Variants in LRRC8E observed in about 807,000 individuals in gnomAD.
LRRC8E encodes the protein volume-regulated anion channel subunit LRRC8E.
A neutral mutation model predicts 6.1 loss-of-function variants in LRRC8E; 6 were observed. That is an observed-to-expected ratio of 0.98 (90% CI 0.54 to 1.93). The LOEUF (loss-of-function observed/expected upper bound fraction) is 1.93, where lower values mean the gene tolerates loss of function less well. LRRC8E is among the 30% of genes most tolerant of loss of function. The probability of loss-of-function intolerance (pLI) is 0.01; values close to 1 mark genes in which losing one functional copy is unlikely to be tolerated. For missense variants in LRRC8E, 1,028 were observed against 1,031.4 expected, an observed-to-expected ratio of 1.00 and a Z score of 0.04; for synonymous variants, 485 against 472.8, an observed-to-expected ratio of 1.03 and a Z score of -0.33.
In LRRC8E at chr19:7,895,941, C is replaced by CT. The variant is rs796566513; in HGVS notation, c.138+207dup. On this transcript the variant is annotated intron_variant, in intron 2 of 2. Transcript: ENST00000306708. The surrounding 1 kb of genome is among the most constrained non-coding windows in gnomAD (Gnocchi z 4.7). ...CCCACATTGCTATGCCATTCCATAT[C>CT]TTTTTTTCTTTTTTGAGACGGAGTC... 6.6e-6 allele frequency among the ~76,000 whole-genome samples: 1 copy of CT among 152,214 alleles called. No individual in the cohort carries two copies. The highest frequency in any genetic ancestry group is 1.9e-4 in the East Asian group (1 of 5,152).
In LRRC8E at chr19:7,901,019, T is replaced by TTTG; in HGVS notation, c.*106_*107insTTG. 2.8e-6 allele frequency: 1 copy of TTTG among 352,140 alleles called. No homozygotes were observed. The highest frequency in any genetic ancestry group is 5.3e-6 in the Non-Finnish European group (1 of 187,520). The allele number at this position is 352,140 out of a possible 1,614,324, so 21.8% of individuals were successfully genotyped here. On this transcript the variant is annotated 3_prime_UTR_variant, in exon 3 of 3. Coordinates refer to ENST00000306708, the MANE Select transcript of LRRC8E (RefSeq NM_025061.6). ...AGCCAAGTGGGTCCAGGCCAGGAGA[T>TTTG]GGGGGGGGCGGGGGCAGCTGTGTCA... is the stretch of plus-strand genomic sequence containing the variant.
chr19:7,899,274 T>G lies in LRRC8E; in HGVS notation c.752T>G (p.Leu251Arg). The G allele has an allele frequency of 2.5e-6, 4 of 1,614,236 alleles. No homozygotes were observed. Among genetic ancestry groups the G allele is most frequent in the Non-Finnish European group, 3.4e-6 (4 of 1,180,040 alleles). The change falls in exon 3 of 3, where the codon CTG (leucine) becomes CGG (arginine). Residue 251 changes from leucine to arginine, a missense_variant. Physicochemically the swap from Leu to Arg is moderately radical, Grantham distance 102. Transcript: ENST00000306708. ...FRMHVEEGDI[L>R]YTMYIRQTVL... ...ATGCACGTGGAAGAGGGCGACATCCTGTACACCATGTACATCCGACAGACG... is the reference window on the plus strand; with the variant it reads ...ATGCACGTGGAAGAGGGCGACATCCGGTACACCATGTACATCCGACAGACG...
At chr19:7,890,590 C>T (rs1599601477) in intron 1 of LRRC8E, among the ~76,000 whole-genome samples, 1 of 151,982 alleles carries the variant, frequency 6.6e-6, no homozygotes, top group African/African-American at 2.4e-5. Context: ...GAGATTGAGA[C>T]CATCCTGGCT....
In LRRC8E at chr19:7,900,166, G is replaced by GTT; in HGVS notation, c.1644_1645insTT (p.Val549LeufsTer6). 7.4e-6 allele frequency: 12 copies of GTT among 1,613,020 alleles called. No individual in the cohort carries two copies. The highest frequency in any genetic ancestry group is 1.0e-5 in the Non-Finnish European group (12 of 1,179,950). On this transcript the variant is annotated frameshift_variant, in exon 3 of 3. Coordinates refer to ENST00000306708, the MANE Select transcript of LRRC8E (RefSeq NM_025061.6). LOFTEE classifies it low-confidence loss of function (END_TRUNC). The surrounding 1 kb of genome is among the most constrained non-coding windows in gnomAD (Gnocchi z 5.0). ...TGTCCCTCCGGAGCAACGCCGGGAA[G>GTT]GTGCCAGCCAGTGTGACCGACGTTG...
intron 2 of LRRC8E, among the ~76,000 whole-genome samples, chr19:7,898,029 G>A (rs918443944): frequency 6.6e-6 from 1 of 151,942 alleles, no homozygotes; most frequent in South Asian, 2.1e-4. Flanking sequence ...GGCCAACATG[G>A]TGAAACCCCA....
At position 7,898,857 on chromosome 19, in the gene LRRC8E, A is replaced by G; in HGVS notation, c.335A>G (p.His112Arg). Residue 112 changes from histidine (H) to arginine (R), a missense_variant, in exon 3 of 3, where the codon CAC (histidine) becomes CGC (arginine). Coordinates refer to ENST00000306708, the MANE Select transcript of LRRC8E (RefSeq NM_025061.6). ...CAGCTGTGTTATGAGACGGCCCTGC[A>G]CTGGTATGCCAAGTACTTCCCTTAC... ...INQLCYETAL[H>R]WYAKYFPYLV... 6.2e-7 allele frequency: 1 copy of G among 1,614,240 alleles called. No individual in the cohort carries two copies. Among genetic ancestry groups the G allele is most frequent in the East Asian group, 2.2e-5 (1 of 44,894 alleles).
chr19:7,900,579 A>G lies in LRRC8E; in HGVS notation c.2057A>G (p.Asn686Ser). Residue 686 changes from asparagine (N) to serine (S), a missense_variant, in exon 3 of 3, where the codon AAT becomes AGT. Physicochemically the swap from Asn to Ser is conservative, Grantham distance 46 (BLOSUM62 1). Coordinates refer to ENST00000306708, the MANE Select transcript of LRRC8E (RefSeq NM_025061.6). This position sits in a 1 kb window ranked among gnomAD's most constrained non-coding sequence, Gnocchi z 5.0. ...SGLRLLDVSH[N>S]GLHSLPPEVG... ...CTCCGTCTGCTGGATGTGTCCCACA[A>G]TGGGCTACACTCCCTGCCACCCGAG... The G allele has an allele frequency of 6.2e-7, 1 of 1,613,208 alleles. No homozygotes were observed. The highest frequency in any genetic ancestry group is 8.5e-7 in the Non-Finnish European group (1 of 1,180,024).
chr19:7,897,541 A>C (rs553675458), intron 2 of LRRC8E, among the ~76,000 whole-genome samples: 112 of 146,442 alleles, frequency 7.6e-4, no homozygotes, highest in African/African-American at 2.8e-3. Context: ...GCAGTGGCGC[A>C]ATAATAGCTC....
intron 2 of LRRC8E, among the ~76,000 whole-genome samples, chr19:7,897,956 AT>A (rs1981688021): frequency 6.6e-6 from 1 of 152,090 alleles, no homozygotes; most frequent in African/African-American, 2.4e-5. Flanking sequence ...CATTCCTGTA[AT>A]CCCAGCACTT....
chr19:7,899,002 A>T lies in LRRC8E; in HGVS notation c.480A>T (p.Pro160=). The T allele has an allele frequency of 6.2e-7, 1 of 1,613,910 alleles. No individual in the cohort carries two copies. The highest frequency in any genetic ancestry group is 8.5e-7 in the Non-Finnish European group (1 of 1,179,998). ...TCCTGGGCAAGTGTTTCGACTCTCC[A>T]TGGACCACCAGGGCCCTATCCGAGG... ...ISILGKCFDS[P]WTTRALSEVS... The change falls in exon 3 of 3, where the codon CCA becomes CCT. Residue 160 remains proline (P), a synonymous_variant. Coordinates refer to ENST00000306708, the MANE Select transcript of LRRC8E (RefSeq NM_025061.6).
rs767105248 is a variant in LRRC8E at position 7,895,791 on chromosome 19, G to A, written c.138+50G>A. ...GTGTGACCAGAGGGGCGGGGCAGGT[G>A]TCTGGGGAAGTCGGGAAGCCTTCTC... On this transcript the variant is annotated intron_variant, in intron 2 of 2. Transcript: ENST00000306708. This position sits in a 1 kb window ranked among gnomAD's most constrained non-coding sequence, Gnocchi z 4.7. 1 of 1,592,544 alleles carries A rather than the reference G, an allele frequency of 6.3e-7. No homozygotes were observed. The highest frequency in any genetic ancestry group is 1.1e-5 in the South Asian group (1 of 90,474).
rs774461112 is a variant in LRRC8E at position 7,899,818 on chromosome 19, C to T, written c.1296C>T (p.Thr432=). 12 of 1,606,986 alleles carry T rather than the reference C, an allele frequency of 7.5e-6. No individual in the cohort carries two copies. The highest frequency in any genetic ancestry group is 2.2e-5 in the East Asian group (1 of 44,888). ...ALCMLPGLPD[T]VFELSEVESL... is the part of the protein sequence containing the mutation. The stretch of plus-strand genomic sequence containing the variant: ...GCATGCTGCCGGGTCTGCCCGACAC[C>T]GTCTTTGAGCTCAGTGAGGTGGAGT... The change falls in exon 3 of 3, where the codon ACC becomes ACT. Residue 432 remains threonine (T), a synonymous_variant. Coordinates refer to ENST00000306708, the MANE Select transcript of LRRC8E (RefSeq NM_025061.6).
intron 2 of LRRC8E, among the ~76,000 whole-genome samples, chr19:7,897,502 T>TA (rs34135542): frequency 2.7e-5 from 4 of 149,032 alleles, no homozygotes; most frequent in African/African-American, 7.5e-5. Flanking sequence ...TTTTTTTTTT[T>TA]AAGCAAGCTC....
rs371880747 is a variant in LRRC8E, at chr19:7,900,308, C to G, written c.1786C>G (p.Arg596Gly). Residue 596 changes from arginine to glycine, a missense_variant, in exon 3 of 3, where the codon CGC becomes GGC. By Grantham distance (125) the Arg-to-Gly change is moderately radical. Coordinates refer to ENST00000306708, the MANE Select transcript of LRRC8E (RefSeq NM_025061.6). The surrounding 1 kb of genome is among the most constrained non-coding windows in gnomAD (Gnocchi z 5.0). Reference sequence around the variant, plus strand: ...GGAGCTGGTGGCCTGCGGGCTGGAGCGCATCCCCCATGCAGTGTTCAGCCT... The same window carrying G: ...GGAGCTGGTGGCCTGCGGGCTGGAGGGCATCCCCCATGCAGTGTTCAGCCT... Reference protein sequence around the residue: ...ELELVACGLERIPHAVFSLGA... With the variant: ...ELELVACGLEGIPHAVFSLGA... 1.9e-5 allele frequency: 31 copies of G among 1,613,196 alleles called. No individual in the cohort carries two copies. The highest frequency in any genetic ancestry group is 2.6e-5 in the Non-Finnish European group (31 of 1,180,042).
chr19:7,895,267 T>G lies in LRRC8E; in HGVS notation c.-5-332T>G. 3 of 232,710 alleles carry G rather than the reference T, an allele frequency of 1.3e-5. No homozygotes were observed. The allele number at this position is 232,710 out of a possible 1,614,324, so 14.4% of individuals were successfully genotyped here. The stretch of plus-strand genomic sequence containing the variant: ...TCAGGGGTGGGAGAGGGATGCCTCG[T>G]TTTGGGGAGGGGGCCACCCGAGGAG... On this transcript the variant is annotated intron_variant, in intron 1 of 2. Coordinates refer to ENST00000306708, the MANE Select transcript of LRRC8E (RefSeq NM_025061.6). The surrounding 1 kb of genome is among the most constrained non-coding windows in gnomAD (Gnocchi z 4.7).
chr19:7,899,933 C>T lies in LRRC8E; in HGVS notation c.1411C>T (p.Pro471Ser). The part of the protein sequence containing the change: ...HLQELSLLHS[P>S]ARLPFSLQVF... Reference sequence around the variant, plus strand: ...GCAGGAGCTCAGCTTGCTCCACTCGCCCGCCAGGCTACCCTTCTCCTTGCA... The same window carrying T: ...GCAGGAGCTCAGCTTGCTCCACTCGTCCGCCAGGCTACCCTTCTCCTTGCA... The change falls in exon 3 of 3, where the codon CCC becomes TCC. Residue 471 changes from proline (P) to serine (S), a missense_variant. Coordinates refer to ENST00000306708, the MANE Select transcript of LRRC8E (RefSeq NM_025061.6). 1 of 1,608,766 alleles carries T rather than the reference C, an allele frequency of 6.2e-7. No homozygotes were observed. Among genetic ancestry groups the T allele is most frequent in the Non-Finnish European group, 8.5e-7 (1 of 1,179,978 alleles).
chr19:7,899,771 G>A lies in LRRC8E; in HGVS notation c.1249G>A (p.Gly417Ser), dbSNP rs1317949844. 6.2e-7 allele frequency: 1 copy of A among 1,610,742 alleles called. No homozygotes were observed. The part of the protein sequence containing the change: ...LRQKLQRNAA[G>S]RLELALCMLP... Reference sequence around the variant, plus strand: ...ACAGAAGCTGCAGCGCAATGCCGCGGGCCGGCTGGAGCTGGCCCTCTGCAT... The same window carrying A: ...ACAGAAGCTGCAGCGCAATGCCGCGAGCCGGCTGGAGCTGGCCCTCTGCAT... Residue 417 changes from glycine to serine, a missense_variant, in exon 3 of 3, where the codon GGC (glycine) becomes AGC (serine). Coordinates refer to ENST00000306708, the MANE Select transcript of LRRC8E (RefSeq NM_025061.6).
At position 7,895,637 on chromosome 19, in the gene LRRC8E, G is replaced by A; in HGVS notation, c.34G>A (p.Glu12Lys). The change falls in exon 2 of 3, where the codon GAA (glutamate) becomes AAA (lysine). Residue 12 changes from glutamate to lysine, a missense_variant. Glu to Lys is a moderately conservative substitution (Grantham distance 56, BLOSUM62 1). Coordinates refer to ENST00000306708, the MANE Select transcript of LRRC8E (RefSeq NM_025061.6). The surrounding 1 kb of genome is among the most constrained non-coding windows in gnomAD (Gnocchi z 4.7). ...AGTGGCCGAGTTCAAGCAGTTCACGGAACAGCAGCCTGCGTTCAAGGTGCT... is the reference window on the plus strand; with the variant it reads ...AGTGGCCGAGTTCAAGCAGTTCACGAAACAGCAGCCTGCGTTCAAGGTGCT... ...IPVAEFKQFT[E>K]QQPAFKVLKP... 2 of 1,614,098 alleles carry A rather than the reference G, an allele frequency of 1.2e-6. No individual in the cohort carries two copies. Among genetic ancestry groups the A allele is most frequent in the Non-Finnish European group, 1.7e-6 (2 of 1,179,984 alleles).
chr19:7,893,085 C>A (rs1981401173), intron 1 of LRRC8E, among the ~76,000 whole-genome samples: 1 of 152,184 alleles, frequency 6.6e-6, no homozygotes, highest in Admixed American at 6.5e-5. Context: ...CAGCTCACTG[C>A]AACCTCTGCC....
Sources: allele counts gnomAD v4.1 joint callset (sites outside exome capture counted in the v4.1 genomes callset), GRCh38; gene constraint gnomAD v4.1.1; non-coding constraint Gnocchi (gnomAD v3.1); transcripts MANE v1.5; gene names NCBI Gene and HGNC (gene_info 2026-07-23, HGNC 2026-07-21).